Variants in VGF observed in about 807,000 individuals in gnomAD.
VGF encodes VGF nerve growth factor inducible.
A neutral mutation model predicts 41.1 loss-of-function variants in VGF; 13 were observed. The observed-to-expected ratio is 0.32, with a 90% CI of 0.21 to 0.50. The LOEUF is 0.50. Ranked by LOEUF, VGF falls within the 20% of genes least tolerant of loss-of-function variation. The probability of loss-of-function intolerance (pLI) is 0.98; values close to 1 mark genes in which losing one functional copy is unlikely to be tolerated. For missense variants in VGF, 920 were observed against 882.1 expected, an observed-to-expected ratio of 1.04 and a Z score of -0.54; for synonymous variants, 473 against 418.3, an observed-to-expected ratio of 1.13 and a Z score of -1.60.
At chr7:101,168,874 C>T (rs979776651), upstream of VGF, among the ~76,000 whole-genome samples, 1 of 152,152 alleles carries the variant, frequency 6.6e-6, no homozygotes, top group African/African-American at 2.4e-5. Flanking sequence ...ACCTCTGCAG[C>T]CTTTAACTGC....
In VGF at chr7:101,163,182, T is replaced by A. The variant is rs1248296104; in HGVS notation, c.1662A>T (p.Thr554=). ...HPFPNYIRPR[T]LQPPSALRRR... ...GGCGCAAGGCCGAGGGCGGCTGCAG[T>A]GTCCGCGGCCGGATGTAGTTGGGGA... Residue 554 remains threonine (T), a synonymous_variant, in exon 2 of 2, where the codon ACA becomes ACT. Coordinates refer to ENST00000249330, the MANE Select transcript of VGF (RefSeq NM_003378.4). The surrounding 1 kb of genome is among the most constrained non-coding windows in gnomAD (Gnocchi z 5.0). 1 of 1,548,378 alleles carries A rather than the reference T, an allele frequency of 6.5e-7. No individual in the cohort carries two copies. The highest frequency in any genetic ancestry group is 2.0e-5 in the Admixed American group (1 of 48,992).
upstream of VGF, among the ~76,000 whole-genome samples, chr7:101,167,802 A>G (rs1797243123): frequency 6.6e-6 from 1 of 151,666 alleles, no homozygotes; most frequent in African/African-American, 2.4e-5. The surrounding 1 kb of genome is among the most constrained non-coding windows in gnomAD (Gnocchi z 4.2). Context: ...GTGTGTATGG[A>G]GATGAATGAG....
upstream of VGF, among the ~76,000 whole-genome samples, chr7:101,169,938 G>T (rs1797280692): frequency 6.6e-6 from 1 of 152,222 alleles, no homozygotes; most frequent in Non-Finnish European, 1.5e-5. Context: ...CCTTGCCCGC[G>T]TCCGCGCACG....
chr7:101,162,983 C>T lies in VGF; in HGVS notation c.*13G>A. 1 of 1,312,624 alleles carries T rather than the reference C, an allele frequency of 7.6e-7. No homozygotes were observed. Among genetic ancestry groups the T allele is most frequent in the Non-Finnish European group, 9.8e-7 (1 of 1,016,840 alleles). The allele number at this position is 1,312,624 out of a possible 1,614,324, so 81.3% of individuals were successfully genotyped here. ...GCGGCGGGGGCGCGCGGGGGCGGGA[C>T]CGGGAAGGGCAGTCACGGGCGCCGG... On this transcript the variant is annotated 3_prime_UTR_variant, in exon 2 of 2. Transcript: ENST00000249330. This position sits in a 1 kb window ranked among gnomAD's most constrained non-coding sequence, Gnocchi z 4.2.
intron 1 of VGF, 163 bp downstream of exon 1, chr7:101,165,211 T>G: frequency 2.0e-6 from 2 of 1,007,342 alleles, no homozygotes; most frequent in Middle Eastern, 4.9e-4. Context: ...CGTGGGCGAC[T>G]TCAGCAGCAA....
chr7:101,162,785 G>T lies in VGF; in HGVS notation c.*211C>A, dbSNP rs751763107. On this transcript the variant is annotated 3_prime_UTR_variant, in exon 2 of 2. Transcript: ENST00000249330. This position sits in a 1 kb window ranked among gnomAD's most constrained non-coding sequence, Gnocchi z 4.2. ...ACAAACCACCCGCCCTCCTGGGCTG[G>T]CCCCCGGTCACCCGCGGGTGAGCTC... 1 of 644,088 alleles carries T rather than the reference G, an allele frequency of 1.6e-6. No homozygotes were observed. 39.9% of individuals were successfully genotyped at this position (644,088 alleles called of 1,614,324 possible). A position where few individuals can be genotyped will look rare whatever the true frequency, so the allele number is the denominator to read the frequency against.
rs753393178 is a variant in VGF, at chr7:101,163,887, C to A, written c.957G>T (p.Ala319=). ...CGAGGTCGGCCAGCCGCTCTTCCTGCGCCGCGGCCTGCCGCGTGGCCTCCG... is the reference window on the plus strand; with the variant it reads ...CGAGGTCGGCCAGCCGCTCTTCCTGAGCCGCGGCCTGCCGCGTGGCCTCCG... ...RQAEATRQAA[A]QEERLADLAS... Residue 319 remains alanine (A), a synonymous_variant, in exon 2 of 2, where the codon GCG becomes GCT. Transcript: ENST00000249330. The surrounding 1 kb of genome is among the most constrained non-coding windows in gnomAD (Gnocchi z 5.0). The A allele has an allele frequency of 2.4e-5, 36 of 1,487,018 alleles. 3 individuals are homozygous for A. The South Asian group carries it at 4.4e-4, about 18-fold the overall frequency. The allele number at this position is 1,487,018 out of a possible 1,614,324, so 92.1% of individuals were successfully genotyped here.
Position 101,163,348 on chromosome 7 carries a change from G to T in VGF, c.1496C>A (p.Ala499Asp). 6.8e-7 allele frequency: 1 copy of T among 1,479,754 alleles called. No individual in the cohort carries two copies. Among genetic ancestry groups the T allele is most frequent in the Non-Finnish European group, 9.0e-7 (1 of 1,113,148 alleles). 91.7% of individuals were successfully genotyped at this position (1,479,754 alleles called of 1,614,324 possible). A position where few individuals can be genotyped will look rare whatever the true frequency, so the allele number is the denominator to read the frequency against. Residue 499 changes from alanine to aspartate, a missense_variant, in exon 2 of 2, where the codon GCC becomes GAC. By Grantham distance (126) the Ala-to-Asp change is moderately radical. Coordinates refer to ENST00000249330, the MANE Select transcript of VGF (RefSeq NM_003378.4). This position sits in a 1 kb window ranked among gnomAD's most constrained non-coding sequence, Gnocchi z 5.0. ...EPVPPPRAAP[A>D]PTHVRSPQPP... The stretch of plus-strand genomic sequence containing the variant: ...CTGCGGGGAGCGGACGTGGGTGGGG[G>T]CGGGGGCGGCACGGGGGGGCGGCAC...
upstream of VGF, among the ~76,000 whole-genome samples, chr7:101,166,662 G>T (rs1260618915): frequency 2.7e-5 from 4 of 150,664 alleles, no homozygotes; most frequent in Non-Finnish European, 4.4e-5. Flanking sequence ...GTTGGGGCTG[G>T]GGGCTTGGAC....
chr7:101,166,980 C>T (rs1181668643), upstream of VGF, among the ~76,000 whole-genome samples: 2 of 151,972 alleles, frequency 1.3e-5, no homozygotes, highest in African/African-American at 2.4e-5. Flanking sequence ...CATAGGGGTG[C>T]TCGTGGGCAC....
At chr7:101,166,738 G>C (rs1209562990), upstream of VGF, among the ~76,000 whole-genome samples, 2 of 141,706 alleles carry the variant, frequency 1.4e-5, no homozygotes, top group African/African-American at 5.3e-5. Context: ...CCATCAGAGA[G>C]CTGGGTCCGG....
rs1268633381 is a variant in VGF, at chr7:101,163,693, T to C, written c.1151A>G (p.Glu384Gly). ...GEERVGEEDE[E>G]AAEAEAEAEE... ...CGCCTCTGCCTCCGCCTCGGCCGCCTCCTCATCCTCTTCCCCCACCCTCTC... is the reference window on the plus strand; with the variant it reads ...CGCCTCTGCCTCCGCCTCGGCCGCCCCCTCATCCTCTTCCCCCACCCTCTC... The change falls in exon 2 of 2, where the codon GAG becomes GGG. Residue 384 changes from glutamate to glycine, a missense_variant. Glu to Gly is a moderately conservative substitution (Grantham distance 98, BLOSUM62 -2). Coordinates refer to ENST00000249330, the MANE Select transcript of VGF (RefSeq NM_003378.4). This position sits in a 1 kb window ranked among gnomAD's most constrained non-coding sequence, Gnocchi z 5.0. 3 of 1,534,840 alleles carry C rather than the reference T, an allele frequency of 2.0e-6. No homozygotes were observed. Among genetic ancestry groups the C allele is most frequent in the Non-Finnish European group, 2.6e-6 (3 of 1,146,342 alleles).
At chr7:101,165,131 G>A (rs544825556) in intron 1 of VGF, 848 of 1,158,808 alleles carry the variant, frequency 7.3e-4, no homozygotes, top group Non-Finnish European at 8.6e-4. Context: ...CATCGCCCAC[G>A]TACTAAGCAG....
chr7:101,163,140 G>A lies in VGF; in HGVS notation c.1704C>T (p.His568=). 3.2e-6 allele frequency: 5 copies of A among 1,584,832 alleles called. No homozygotes were observed. The highest frequency in any genetic ancestry group is 4.3e-6 in the Non-Finnish European group (5 of 1,169,026). Residue 568 remains histidine, a synonymous_variant, in exon 2 of 2, where the codon CAC becomes CAT. Coordinates refer to ENST00000249330, the MANE Select transcript of VGF (RefSeq NM_003378.4). The surrounding 1 kb of genome is among the most constrained non-coding windows in gnomAD (Gnocchi z 5.0). Reference sequence around the variant, plus strand: ...GATAGTGGCGCGAAGGCGGCAAGGCGTGGTGGTAGTGGCGGCGGCGCAAGG... The same window carrying A: ...GATAGTGGCGCGAAGGCGGCAAGGCATGGTGGTAGTGGCGGCGGCGCAAGG... The part of the protein sequence containing the change: ...PSALRRRHYH[H]ALPPSRHYPG...
Position 101,164,536 on chromosome 7 carries a change from T to C in VGF, c.308A>G (p.Gln103Arg). The C allele has an allele frequency of 6.3e-7, 1 of 1,599,416 alleles. No individual in the cohort carries two copies. The highest frequency in any genetic ancestry group is 8.5e-7 in the Non-Finnish European group (1 of 1,177,986). Residue 103 changes from glutamine (Q) to arginine (R), a missense_variant, in exon 2 of 2, where the codon CAG becomes CGG. By Grantham distance (43) the Gln-to-Arg change is conservative. This residue lies in a region of VGF where 654 missense variants were observed against 638.4 expected (regional missense o/e 1.02). Transcript: ENST00000249330. ...AGCTGCTTCTTCCTCCGGCCCCTGCTGGGAGCCGCTTGGTGCCGGGGGTGA... is the reference window on the plus strand; with the variant it reads ...AGCTGCTTCTTCCTCCGGCCCCTGCCGGGAGCCGCTTGGTGCCGGGGGTGA... Reference protein sequence around the residue: ...PASPPAPSGSQQGPEEEAAEA... With the variant: ...PASPPAPSGSRQGPEEEAAEA...
chr7:101,165,397 G>A lies in VGF; in HGVS notation c.-44C>T. On this transcript the variant is annotated 5_prime_UTR_variant, in exon 1 of 2. Coordinates refer to ENST00000249330, the MANE Select transcript of VGF (RefSeq NM_003378.4). ...ACCAGCTGGTGTCACGACGCGAGAGGTGGAGAGGAGGGTCGGGGCAGGGTG... is the reference window on the plus strand; with the variant it reads ...ACCAGCTGGTGTCACGACGCGAGAGATGGAGAGGAGGGTCGGGGCAGGGTG... 2.0e-6 allele frequency: 2 copies of A among 985,560 alleles called. No individual in the cohort carries two copies. The highest frequency in any genetic ancestry group is 2.4e-6 in the Non-Finnish European group (2 of 829,998). The allele number at this position is 985,560 out of a possible 1,614,324, so 61.1% of individuals were successfully genotyped here.
Position 101,164,015 on chromosome 7 carries a change from G to T in VGF, c.829C>A (p.Pro277Thr). The stretch of plus-strand genomic sequence containing the variant: ...GCGCTCTCCGGCCGGCGCGCCTTGG[G>T]GAACGGGGCGGCCACGCCTTGGTAC... ...KAYQGVAAPF[P>T]KARRPESALL... The change falls in exon 2 of 2, where the codon CCC becomes ACC. Residue 277 changes from proline (P) to threonine (T), a missense_variant. By Grantham distance (38) the Pro-to-Thr change is conservative. This residue lies in a region of VGF where 654 missense variants were observed against 638.4 expected (regional missense o/e 1.02). Coordinates refer to ENST00000249330, the MANE Select transcript of VGF (RefSeq NM_003378.4). 6.8e-7 allele frequency: 1 copy of T among 1,478,004 alleles called. No individual in the cohort carries two copies. The allele number at this position is 1,478,004 out of a possible 1,614,324, so 91.6% of individuals were successfully genotyped here.
Position 101,164,596 on chromosome 7 carries a change from G to A in VGF, c.248C>T (p.Ala83Val), listed in dbSNP as rs1797186551. The change falls in exon 2 of 2, where the codon GCC becomes GTC. Residue 83 changes from alanine to valine, a missense_variant. Physicochemically the swap from Ala to Val is moderately conservative, Grantham distance 64 (BLOSUM62 0). This residue lies in a region of VGF where 654 missense variants were observed against 638.4 expected (regional missense o/e 1.02). Coordinates refer to ENST00000249330, the MANE Select transcript of VGF (RefSeq NM_003378.4). ...LFQGVDPRAL[A>V]AVLLQALDRP... ...GTCGAGTGCCTGCAGCAGCACCGCG[G>A]CCAGCGCCCGGGGATCCACGCCCTG... The A allele has an allele frequency of 2.5e-6, 4 of 1,599,264 alleles. No individual in the cohort carries two copies. The African/African-American group carries it at 5.4e-5, about 21-fold the overall frequency.
chr7:101,169,358 G>A (rs1240079304), upstream of VGF, among the ~76,000 whole-genome samples: 2 of 151,714 alleles, frequency 1.3e-5, no homozygotes, highest in African/African-American at 4.8e-5. Flanking sequence ...CATCAAGGTG[G>A]TATCCACCAA....
Sources: allele counts gnomAD v4.1 joint callset (sites outside exome capture counted in the v4.1 genomes callset), GRCh38; gene constraint gnomAD v4.1.1; regional missense constraint gnomAD v4.1.1; non-coding constraint Gnocchi (gnomAD v3.1); transcripts MANE v1.5; gene names NCBI Gene and HGNC (gene_info 2026-07-23, HGNC 2026-07-21).